Variants in PDSS2 observed in about 807,000 individuals in gnomAD.
The protein encoded by PDSS2 is all trans-polyprenyl-diphosphate synthase PDSS2.
PDSS2 carries 31 observed loss-of-function variants against 44.5 expected under a neutral mutation model. The ratio of observed to expected loss-of-function variants is 0.70; its 90% CI spans 0.52 to 0.94. The LOEUF (loss-of-function observed/expected upper bound fraction) is 0.94, where lower values mean the gene tolerates loss of function less well. Among genes scored for constraint, PDSS2 ranks in the 40% least tolerant of loss-of-function variants. PDSS2 has a pLI of 0.00. For missense variants in PDSS2, 452 were observed against 482.2 expected (o/e 0.94, Z 0.59); for synonymous variants, 157 against 180.3 (o/e 0.87, Z 1.03).
intron 1 of PDSS2, among the ~76,000 whole-genome samples, chr6:107,336,610 G>A (rs546305960): frequency 2.6e-5 from 4 of 151,886 alleles, no homozygotes; most frequent in East Asian, 1.9e-4. Context: ...TGAATTTTAC[G>A]GCGGTTAAGA....
chr6:107,401,777 T>C (rs1780111767), intron 1 of PDSS2, among the ~76,000 whole-genome samples: 1 of 152,086 alleles, frequency 6.6e-6, no homozygotes, highest in African/African-American at 2.4e-5. Flanking sequence ...CAGAATAGAC[T>C]AAGCAGGTGA....
intron 1 of PDSS2, among the ~76,000 whole-genome samples, chr6:107,386,090 T>C (rs1186551905): frequency 6.6e-6 from 1 of 152,132 alleles, no homozygotes; most frequent in East Asian, 1.9e-4. Flanking sequence ...AAGGCATCTT[T>C]GAGAAAGGAA....
intron 2 of PDSS2, among the ~76,000 whole-genome samples, chr6:107,319,503 G>A (rs1180040116): frequency 1.3e-5 from 2 of 152,150 alleles, no homozygotes; most frequent in Non-Finnish European, 2.9e-5. Flanking sequence ...AAAAGACAAC[G>A]TGGTACCTGA....
At chr6:107,369,220 C>T (rs965337621) in intron 1 of PDSS2, among the ~76,000 whole-genome samples, 2 of 152,116 alleles carry the variant, frequency 1.3e-5, no homozygotes, top group African/African-American at 2.4e-5. Flanking sequence ...GAGTTCGAGA[C>T]TAGCCTGGCC....
intron 7 of PDSS2, among the ~76,000 whole-genome samples, chr6:107,182,135 A>G (rs187174271): frequency 3.3e-5 from 5 of 152,288 alleles, no homozygotes; most frequent in African/African-American, 1.2e-4. Flanking sequence ...AAGCAAGATG[A>G]TAGTCACTGG....
intron 7 of PDSS2, among the ~76,000 whole-genome samples, chr6:107,164,167 A>ATTT (rs111592512): frequency 1.5e-5 from 2 of 136,498 alleles, no homozygotes; most frequent in African/African-American, 5.9e-5. Context: ...ACTTAAAAAA[A>ATTT]ATTTTTTTTT....
At chr6:107,215,159 T>C (rs1382452101) in intron 4 of PDSS2, among the ~76,000 whole-genome samples, 2 of 152,176 alleles carry the variant, frequency 1.3e-5, no homozygotes, top group African/African-American at 4.8e-5. Flanking sequence ...AAAACCATAT[T>C]ATCTCTCCAT....
chr6:107,376,026 C>A (rs953789873), intron 1 of PDSS2, among the ~76,000 whole-genome samples: 3 of 152,186 alleles, frequency 2.0e-5, no homozygotes, highest in African/African-American at 7.2e-5. Flanking sequence ...GGAATCCTTT[C>A]CCCATTGCTT....
At chr6:107,183,043 T>C (rs1013173256) in intron 7 of PDSS2, among the ~76,000 whole-genome samples, 1 of 151,858 alleles carries the variant, frequency 6.6e-6, no homozygotes, top group East Asian at 1.9e-4. Context: ...ATACCTCTTC[T>C]CTACAAAAAA....
At chr6:107,237,683 C>T (rs1035896526) in intron 4 of PDSS2, among the ~76,000 whole-genome samples, 5 of 147,918 alleles carry the variant, frequency 3.4e-5, no homozygotes, top group African/African-American at 7.5e-5. Flanking sequence ...GGCAGGTCAC[C>T]TGAGGTCAGG....
chr6:107,228,530 C>T (rs1004281786), intron 4 of PDSS2, among the ~76,000 whole-genome samples: 3 of 152,016 alleles, frequency 2.0e-5, no homozygotes, highest in African/African-American at 7.2e-5. Flanking sequence ...CCCGTCTCTA[C>T]TAAAAATACA....
chr6:107,249,768 T>C (rs1035306691), intron 3 of PDSS2, among the ~76,000 whole-genome samples: 11 of 152,178 alleles, frequency 7.2e-5, no homozygotes, highest in Admixed American at 2.0e-4. Flanking sequence ...GGGAGAATGC[T>C]GCAGCATAGG....
chr6:107,455,754 C>CAAAA lies in PDSS2; in HGVS notation c.296+3232_296+3235dup, dbSNP rs60783838. ...CTGGCGATAGAGCGAGACTCTGTCT[C>CAAAA]AAAAAAAAAAAAAAAAAAAAAAAAA... On this transcript the variant is annotated intron_variant, in intron 1 of 7. Coordinates refer to ENST00000369037, the MANE Select transcript of PDSS2 (RefSeq NM_020381.4). 1.4e-3 allele frequency among the ~76,000 whole-genome samples: 78 copies of CAAAA among 55,686 alleles called. 1 individual carries two copies. Among genetic ancestry groups the CAAAA allele is most frequent in the African/African-American group, 5.7e-3 (71 of 12,392 alleles). The allele number at this position is 55,686 out of a possible 152,430, so 36.5% of individuals were successfully genotyped here.
intron 2 of PDSS2, among the ~76,000 whole-genome samples, chr6:107,275,444 C>T (rs1423953908): frequency 1.3e-5 from 2 of 152,078 alleles, no homozygotes; most frequent in Non-Finnish European, 2.9e-5. Context: ...GGTTTCCAAG[C>T]TCCTGCATGA....
intron 1 of PDSS2, among the ~76,000 whole-genome samples, chr6:107,384,327 A>G (rs1365486292): frequency 1.3e-5 from 2 of 152,166 alleles, no homozygotes; most frequent in African/African-American, 2.4e-5. Flanking sequence ...ATGGTTGCAC[A>G]ACTCTGTAAA....
intron 2 of PDSS2, among the ~76,000 whole-genome samples, chr6:107,286,520 T>C (rs1263055149): frequency 1.3e-5 from 2 of 150,670 alleles, no homozygotes; most frequent in Non-Finnish European, 3.0e-5. Flanking sequence ...AAAAAAATAA[T>C]AAAATAATAA....
intron 6 of PDSS2, among the ~76,000 whole-genome samples, chr6:107,208,740 T>C (rs1449928297): frequency 2.0e-5 from 3 of 149,234 alleles, no homozygotes; most frequent in Non-Finnish European, 3.0e-5. Flanking sequence ...TTTGTATTTT[T>C]AGCAGAGACA....
chr6:107,313,987 G>A (rs146682635), intron 2 of PDSS2, among the ~76,000 whole-genome samples: 214 of 152,098 alleles, frequency 1.4e-3, no homozygotes, highest in African/African-American at 4.3e-3. Flanking sequence ...CCTGTTCTGC[G>A]CATGAAGGTA....
At chr6:107,437,150 C>T (rs80202705) in intron 1 of PDSS2, among the ~76,000 whole-genome samples, 14 of 152,132 alleles carry the variant, frequency 9.2e-5, no homozygotes, top group Admixed American at 8.5e-4. Flanking sequence ...CAGGTGTGTG[C>T]CATCGCACTG....
Sources: gnomAD v4.1 joint callset for allele counts (sites outside exome capture counted in the v4.1 genomes callset) on GRCh38, gnomAD v4.1.1 for gene constraint, MANE v1.5 for transcripts, NCBI Gene and HGNC (gene_info 2026-07-23, HGNC 2026-07-21) for gene names.